Variants in PPP3CB observed in about 807,000 individuals in gnomAD.
PPP3CB encodes the protein serine/threonine-protein phosphatase 2B catalytic subunit beta isoform.
PPP3CB carries 8 observed loss-of-function variants against 66.4 expected under a neutral mutation model. That is an observed-to-expected ratio of 0.12 (90% CI 0.07 to 0.22). The LOEUF is 0.22. PPP3CB is among the 10% of genes least tolerant of loss of function. PPP3CB has a pLI of 1.00. For synonymous variants in PPP3CB, 208 were observed against 221.2 expected (o/e 0.94, Z 0.53); for missense variants, 319 against 642.5 (o/e 0.50, Z 5.44).
At position 73,438,404 on chromosome 10, in the gene PPP3CB, A is replaced by G; in HGVS notation, c.1413T>C (p.Ser471=). 6.2e-7 allele frequency: 1 copy of G among 1,611,930 alleles called. No homozygotes were observed. The highest frequency in any genetic ancestry group is 8.5e-7 in the Non-Finnish European group (1 of 1,178,060). ...IEAEKAIRGF[S]PPHRICSFEE... is the part of the protein sequence containing the mutation. ...CAAAACTGCAGATTCTATGTGGTGG[A>G]GAGAATCCTCGTATTGCTTAATAAA... is the stretch of plus-strand genomic sequence containing the variant. Residue 471 remains serine (S), a synonymous_variant, in exon 14 of 14, where the codon TCT becomes TCC. Transcript: ENST00000360663.
intron 1 of PPP3CB, among the ~76,000 whole-genome samples, chr10:73,487,116 G>A (rs1404482910): frequency 6.6e-6 from 1 of 152,180 alleles, no homozygotes; most frequent in Non-Finnish European, 1.5e-5. Context: ...GTTGTAGTAA[G>A]CCGGGATTGG....
In PPP3CB at chr10:73,461,466, A is replaced by T. The variant is rs543174269; in HGVS notation, c.1108+6087T>A. ...TCTGTCTCAAAAAGAAAAAAAAAAAATTTAATGACTGCCTGCTGGGTTTCA... is the reference window on the plus strand; with the variant it reads ...TCTGTCTCAAAAAGAAAAAAAAAAATTTTAATGACTGCCTGCTGGGTTTCA... On this transcript the variant is annotated intron_variant, in intron 9 of 13. Transcript: ENST00000360663. 1.1e-4 allele frequency among the ~76,000 whole-genome samples: 17 copies of T among 152,186 alleles called. No homozygotes were observed. The South Asian group carries it at 3.5e-3, about 32-fold the overall frequency.
chr10:73,480,596 C>T (rs2056859354), intron 1 of PPP3CB, among the ~76,000 whole-genome samples: 1 of 152,126 alleles, frequency 6.6e-6, no homozygotes, highest in South Asian at 2.1e-4. Context: ...AGGCATCCGC[C>T]ATCATGCCCA....
intron 12 of PPP3CB, among the ~76,000 whole-genome samples, chr10:73,442,087 A>G (rs767376957): frequency 6.6e-6 from 1 of 152,226 alleles, no homozygotes; most frequent in South Asian, 2.1e-4. Flanking sequence ...TATTTGTTTC[A>G]AAGTGGATTT....
chr10:73,495,133 G>A (rs889128381), intron 1 of PPP3CB, among the ~76,000 whole-genome samples: 4 of 152,204 alleles, frequency 2.6e-5, no homozygotes, highest in African/African-American at 9.7e-5. Context: ...GGTTTTCTAA[G>A]TAAATACTTG....
chr10:73,442,878 GA>G (rs1362963896), intron 12 of PPP3CB, among the ~76,000 whole-genome samples: 1 of 151,734 alleles, frequency 6.6e-6, no homozygotes, highest in Non-Finnish European at 1.5e-5. Flanking sequence ...TTGTTTACAG[GA>G]AAAAAATTTT....
chr10:73,453,624 G>T (rs532649095), intron 10 of PPP3CB, among the ~76,000 whole-genome samples: 1 of 152,110 alleles, frequency 6.6e-6, no homozygotes, highest in African/African-American at 2.4e-5. Flanking sequence ...CCAATATACA[G>T]ACCATGTTTA....
intron 1 of PPP3CB, among the ~76,000 whole-genome samples, chr10:73,493,168 C>T (rs1415230719): frequency 1.3e-5 from 2 of 151,106 alleles, no homozygotes; most frequent in Admixed American, 6.6e-5. Flanking sequence ...CCCAGCTACT[C>T]GGGAGGCTGA....
chr10:73,472,602 A>G (rs1403403071), intron 4 of PPP3CB, among the ~76,000 whole-genome samples: 1 of 151,594 alleles, frequency 6.6e-6, no homozygotes, highest in African/African-American at 2.4e-5. Context: ...AATCATTTTA[A>G]TACTTGCTTT....
chr10:73,437,914 CTACT>C lies in PPP3CB; in HGVS notation c.*324_*327del, dbSNP rs1564544700. 3 of 215,014 alleles carry C rather than the reference CTACT, an allele frequency of 1.4e-5. No individual in the cohort carries two copies. Among genetic ancestry groups the C allele is most frequent in the Non-Finnish European group, 2.7e-5 (3 of 110,278 alleles). The allele number at this position is 215,014 out of a possible 1,614,324, so 13.3% of individuals were successfully genotyped here. On this transcript the variant is annotated 3_prime_UTR_variant, in exon 14 of 14. Coordinates refer to ENST00000360663, the MANE Select transcript of PPP3CB (RefSeq NM_021132.4). Reference sequence around the variant, plus strand: ...CATGATTGAAAAACAAAATCTAATTCTACTGAAGGGGAAAAGAAATCTGATTTGT... The same window carrying C: ...CATGATTGAAAAACAAAATCTAATTCGAAGGGGAAAAGAAATCTGATTTGT...
At chr10:73,449,799 A>C (rs1178571358) in intron 10 of PPP3CB, among the ~76,000 whole-genome samples, 1 of 150,602 alleles carries the variant, frequency 6.6e-6, no homozygotes, top group Non-Finnish European at 1.5e-5. Context: ...ACCTAATCTT[A>C]GCTTTTTTTT....
At chr10:73,487,787 T>G (rs180773388) in intron 1 of PPP3CB, among the ~76,000 whole-genome samples, 3,007 of 141,710 alleles carry the variant, frequency 0.021, 91 homozygotes, top group African/African-American at 0.073. Flanking sequence ...CAAGTTTTTG[T>G]TTTTTTTTTT....
chr10:73,441,897 G>A (rs144528730), intron 12 of PPP3CB, among the ~76,000 whole-genome samples: 7 of 152,144 alleles, frequency 4.6e-5, no homozygotes, highest in East Asian at 3.9e-4. Context: ...TTCTTGAAAC[G>A]ACAATTTTTA....
chr10:73,484,398 G>T (rs537107108), intron 1 of PPP3CB, among the ~76,000 whole-genome samples: 1 of 151,948 alleles, frequency 6.6e-6, no homozygotes, highest in African/African-American at 2.4e-5. Context: ...AGCCTCCCGA[G>T]TAGCTGGGAC....
chr10:73,455,027 C>G (rs1389053792), intron 9 of PPP3CB, among the ~76,000 whole-genome samples: 1 of 151,940 alleles, frequency 6.6e-6, no homozygotes, highest in Non-Finnish European at 1.5e-5. Context: ...CACCCATCGT[C>G]ATGCCCAGCT....
At chr10:73,448,040 A>C (rs1227143237) in intron 10 of PPP3CB, among the ~76,000 whole-genome samples, 1 of 152,202 alleles carries the variant, frequency 6.6e-6, no homozygotes, top group Non-Finnish European at 1.5e-5. Context: ...TGACTTGTTC[A>C]AGGATAGAAG....
At chr10:73,474,330 C>A (rs780337629) in intron 4 of PPP3CB, among the ~76,000 whole-genome samples, 1 of 151,800 alleles carries the variant, frequency 6.6e-6, no homozygotes, top group Admixed American at 6.6e-5. Flanking sequence ...CGTGAGCTAC[C>A]GTGCCTGGCT....
chr10:73,444,580 A>G (rs2056215277), intron 12 of PPP3CB, 145 bp downstream of exon 12: 1 of 1,551,920 alleles, frequency 6.4e-7, no homozygotes. Context: ...GACACTAGCT[A>G]ATACAGTACC....
chr10:73,476,620 T>TA (rs1296984557), intron 3 of PPP3CB, among the ~76,000 whole-genome samples: 2,927 of 122,272 alleles, frequency 0.024, 35 homozygotes, highest in Non-Finnish European at 0.029. Context: ...CCATCTCAAT[T>TA]AAAAAAAAAA....
Sources: gnomAD v4.1 joint callset for allele counts (sites outside exome capture counted in the v4.1 genomes callset) on GRCh38, gnomAD v4.1.1 for gene constraint, MANE v1.5 for transcripts, NCBI Gene and HGNC (gene_info 2026-07-23, HGNC 2026-07-21) for gene names.